Variants in TRHR observed in about 807,000 individuals in gnomAD.
TRHR encodes thyrotropin-releasing hormone receptor.
In TRHR, 14 loss-of-function variants were observed where a neutral mutation model predicts 28.0. That is an observed-to-expected ratio of 0.50 (90% CI 0.33 to 0.78). The LOEUF is 0.78. Among genes scored for constraint, TRHR ranks in the 30% least tolerant of loss-of-function variants. The pLI, the probability that TRHR is intolerant of heterozygous loss-of-function variation, is 0.02. For missense variants in TRHR, 438 were observed against 469.5 expected, an observed-to-expected ratio of 0.93 and a Z score of 0.62; for synonymous variants, 176 against 171.9, an observed-to-expected ratio of 1.02 and a Z score of -0.18.
chr8:109,113,578 T>C (rs1811872322), intron 2 of TRHR, among the ~76,000 whole-genome samples: 1 of 152,090 alleles, frequency 6.6e-6, no homozygotes, highest in South Asian at 2.1e-4. Flanking sequence ...TAAGGAAATC[T>C]GAATAAAGCA....
At chr8:109,092,074 T>TAATATC (rs1210120232) in intron 2 of TRHR, among the ~76,000 whole-genome samples, 3 of 152,228 alleles carry the variant, frequency 2.0e-5, no homozygotes, top group Non-Finnish European at 4.4e-5. Flanking sequence ...TAGTAAAATG[T>TAATATC]AATATCAATA....
intron 1 of TRHR, 140 bp from the exon 2 acceptor site, chr8:109,087,285 G>T (rs1206342079): frequency 6.7e-6 from 4 of 594,142 alleles, no homozygotes; most frequent in Non-Finnish European, 1.2e-5. Context: ...TGCAATAAAA[G>T]AAGTTTTAAG....
At chr8:109,093,719 G>T (rs959810891) in intron 2 of TRHR, among the ~76,000 whole-genome samples, 2 of 151,904 alleles carry the variant, frequency 1.3e-5, no homozygotes, top group Admixed American at 6.6e-5. Context: ...ACTTTTTAAA[G>T]AATACATGTT....
At chr8:109,097,741 C>T (rs73311313) in intron 2 of TRHR, among the ~76,000 whole-genome samples, 5,620 of 152,204 alleles carry the variant, frequency 0.037, 344 homozygotes, top group African/African-American at 0.13. Context: ...AAACAAAGCC[C>T]AAGACCACCA....
chr8:109,097,386 T>A (rs1226351572), intron 2 of TRHR, among the ~76,000 whole-genome samples: 1 of 152,200 alleles, frequency 6.6e-6, no homozygotes, highest in African/African-American at 2.4e-5. Context: ...CTTTAAAATA[T>A]GACCCTTTCA....
intron 2 of TRHR, among the ~76,000 whole-genome samples, chr8:109,110,678 G>C (rs1442880865): frequency 6.6e-6 from 1 of 152,110 alleles, no homozygotes; most frequent in South Asian, 2.1e-4. Flanking sequence ...GCACAACACA[G>C]AGTATGTCAG....
At position 109,120,242 on chromosome 8, in the gene TRHR, T is replaced by C. The variant is rs912507082; in HGVS notation, c.*787T>C. Among the ~76,000 whole-genome samples, 14 of 151,872 alleles carry C rather than the reference T, an allele frequency of 9.2e-5. No homozygotes were observed. Among genetic ancestry groups the C allele is most frequent in the African/African-American group, 3.4e-4 (14 of 41,410 alleles). On this transcript the variant is annotated 3_prime_UTR_variant, in exon 3 of 3. Transcript: ENST00000518632. ...GTAACTGTGAAGATACAAACTAACA[T>C]ACAATTAAATTTGAAAAGTATAGTC... is the stretch of plus-strand genomic sequence containing the variant.
chr8:109,096,461 CT>C (rs1811593693), intron 2 of TRHR, among the ~76,000 whole-genome samples: 1 of 152,194 alleles, frequency 6.6e-6, no homozygotes. Context: ...CCCACTCTCA[CT>C]AACATCCCAA....
At chr8:109,100,964 G>A (rs990899003) in intron 2 of TRHR, among the ~76,000 whole-genome samples, 1 of 152,156 alleles carries the variant, frequency 6.6e-6, no homozygotes, top group African/African-American at 2.4e-5. Flanking sequence ...GGCAACAAAA[G>A]ATGAGCCTAG....
At chr8:109,102,495 T>G (rs1348599386) in intron 2 of TRHR, among the ~76,000 whole-genome samples, 1 of 152,070 alleles carries the variant, frequency 6.6e-6, no homozygotes, top group Admixed American at 6.6e-5. Flanking sequence ...TACATGTTTG[T>G]CAAACAAATA....
chr8:109,107,624 C>T (rs1224743092), intron 2 of TRHR, among the ~76,000 whole-genome samples: 1 of 152,124 alleles, frequency 6.6e-6, no homozygotes, highest in African/African-American at 2.4e-5. Flanking sequence ...AAATTATGTT[C>T]TTAATCAAGT....
intron 2 of TRHR, among the ~76,000 whole-genome samples, chr8:109,104,504 A>G (rs1811722461): frequency 6.6e-6 from 1 of 152,056 alleles, no homozygotes. Context: ...CCTGGCCAAT[A>G]TTTTATATTT....
At position 109,114,157 on chromosome 8, in the gene TRHR, G is replaced by A. The variant is rs116536606; in HGVS notation, c.790-4891G>A. 7.7e-3 allele frequency among the ~76,000 whole-genome samples: 1,164 copies of A among 152,092 alleles called. 11 individuals carry two copies. Among genetic ancestry groups the A allele is most frequent in the African/African-American group, 0.027 (1,112 of 41,512 alleles). ...ACTGAAAAACATATAGCAGAGTTTGGTATCAAAATTTCCAGCTGATATTCA... is the reference window on the plus strand; with the variant it reads ...ACTGAAAAACATATAGCAGAGTTTGATATCAAAATTTCCAGCTGATATTCA... On this transcript the variant is annotated intron_variant, in intron 2 of 2. Transcript: ENST00000518632.
At chr8:109,103,601 T>C (rs1811708880) in intron 2 of TRHR, among the ~76,000 whole-genome samples, 1 of 152,144 alleles carries the variant, frequency 6.6e-6, no homozygotes, top group Non-Finnish European at 1.5e-5. Flanking sequence ...CTCTTCACAC[T>C]TGAGCATCAT....
At chr8:109,111,764 C>G (rs4735094) in intron 2 of TRHR, among the ~76,000 whole-genome samples, 86,919 of 152,032 alleles carry the variant, frequency 0.57, 26,508 homozygotes, top group African/African-American at 0.79. Flanking sequence ...TTGTGCAGTA[C>G]AGATGAAGTG....
chr8:109,103,212 C>T (rs1388376361), intron 2 of TRHR, among the ~76,000 whole-genome samples: 1 of 152,082 alleles, frequency 6.6e-6, no homozygotes, highest in African/African-American at 2.4e-5. Context: ...CATCTTAAAC[C>T]AGGTCTTTCC....
intron 2 of TRHR, among the ~76,000 whole-genome samples, chr8:109,100,628 G>A (rs1326729358): frequency 6.6e-6 from 1 of 152,136 alleles, no homozygotes; most frequent in South Asian, 2.1e-4. Flanking sequence ...ATGCAAAAAT[G>A]ATTAAAACAA....
chr8:109,096,510 A>C (rs890755828), intron 2 of TRHR, among the ~76,000 whole-genome samples: 1 of 152,160 alleles, frequency 6.6e-6, no homozygotes, highest in African/African-American at 2.4e-5. Flanking sequence ...TCAGCCCTGC[A>C]TTTGGCTACA....
rs1554600402 is a variant in TRHR, at chr8:109,119,165, C to T, written c.907C>T (p.Leu303Phe). The change falls in exon 3 of 3, where the codon CTC becomes TTC. Residue 303 changes from leucine to phenylalanine, a missense_variant. Transcript: ENST00000518632. The stretch of plus-strand genomic sequence containing the variant: ...TCCTTTCCAAGAAAATTGGTTTTTG[C>T]TCTTTTGCAGAATTTGCATTTATCT... ...SSPFQENWFL[L>F]FCRICIYLNS... The T allele has an allele frequency of 1.2e-6, 2 of 1,612,782 alleles. No individual in the cohort carries two copies. The highest frequency in any genetic ancestry group is 1.7e-6 in the Non-Finnish European group (2 of 1,179,226).
Sources: gnomAD v4.1 joint callset for allele counts (sites outside exome capture counted in the v4.1 genomes callset) on GRCh38, gnomAD v4.1.1 for gene constraint, MANE v1.5 for transcripts, NCBI Gene and HGNC (gene_info 2026-07-23, HGNC 2026-07-21) for gene names.